Variants in DERA observed in about 807,000 individuals in gnomAD.
DERA encodes the protein 2-deoxy-D-ribose 5-phosphate aldolase.
In DERA, 15 loss-of-function variants were observed where a neutral mutation model predicts 41.1. The observed-to-expected ratio is 0.37, with a 90% CI of 0.24 to 0.56. The LOEUF (loss-of-function observed/expected upper bound fraction) is 0.56. Among genes scored for constraint, DERA ranks in the 20% least tolerant of loss-of-function variants. DERA has a pLI of 0.81. For synonymous variants in DERA, 139 were observed against 137.4 expected (o/e 1.01, Z -0.08); for missense variants, 396 against 403.4 (o/e 0.98, Z 0.16).
At position 16,004,250 on chromosome 12, in the gene DERA, T is replaced by C. The variant is rs1397320574; in HGVS notation, c.637+21814T>C. ...TATATGCAGATAATTTGAATCTGAATGTACAGCCAAGTATTCAAAATATAA... is the reference window on the plus strand; with the variant it reads ...TATATGCAGATAATTTGAATCTGAACGTACAGCCAAGTATTCAAAATATAA... On this transcript the variant is annotated intron_variant, in intron 6 of 8. Coordinates refer to ENST00000428559, the MANE Select transcript of DERA (RefSeq NM_015954.4). This position sits in a 1 kb window ranked among gnomAD's most constrained non-coding sequence, Gnocchi z 4.2. Among the ~76,000 whole-genome samples the C allele has an allele frequency of 1.3e-5, 2 of 152,202 alleles. No individual in the cohort carries two copies. The highest frequency in any genetic ancestry group is 3.8e-4 in the East Asian group (2 of 5,202).
chr12:15,968,764 G>A (rs1177900405), intron 5 of DERA, among the ~76,000 whole-genome samples: 1 of 152,174 alleles, frequency 6.6e-6, no homozygotes, highest in Non-Finnish European at 1.5e-5. Flanking sequence ...GCTTGGCCCA[G>A]ATGCAGCCCT....
chr12:15,913,346 A>C lies in DERA; in HGVS notation c.31+1932A>C, dbSNP rs894627364. Among the ~76,000 whole-genome samples the C allele has an allele frequency of 6.6e-6, 1 of 152,178 alleles. No homozygotes were observed. The highest frequency in any genetic ancestry group is 2.4e-5 in the African/African-American group (1 of 41,444). On this transcript the variant is annotated intron_variant, in intron 1 of 8. Coordinates refer to ENST00000428559, the MANE Select transcript of DERA (RefSeq NM_015954.4). This position sits in a 1 kb window ranked among gnomAD's most constrained non-coding sequence, Gnocchi z 4.5. ...TTTCCTTCACGGGTATTAATCCTTA[A>C]TCCAAACAGGTTTAAACTGAAATGC...
intron 1 of DERA, among the ~76,000 whole-genome samples, chr12:15,929,659 T>G (rs1395580029): frequency 6.6e-6 from 1 of 152,182 alleles, no homozygotes; most frequent in East Asian, 1.9e-4. Flanking sequence ...ATCTTGAGAC[T>G]GTTAAGTAGG....
At chr12:16,023,184 T>TAA (rs1949027707) in intron 6 of DERA, among the ~76,000 whole-genome samples, 1 of 152,098 alleles carries the variant, frequency 6.6e-6, no homozygotes, top group Admixed American at 6.5e-5. Context: ...CACAGCAACA[T>TAA]GGTTTCAGTA....
rs1286316663 is a variant in DERA at position 15,941,887 on chromosome 12, C to G, written c.32-15049C>G. On this transcript the variant is annotated intron_variant, in intron 1 of 8. Transcript: ENST00000428559. The surrounding 1 kb of genome is among the most constrained non-coding windows in gnomAD (Gnocchi z 4.5). ...GACTTCTTTTCCTTTGGGAAGATAC[C>G]TAATAGTGGGATTGCTGGATTGAAT... Among the ~76,000 whole-genome samples the G allele has an allele frequency of 1.3e-5, 2 of 152,140 alleles. No homozygotes were observed. The highest frequency in any genetic ancestry group is 4.8e-5 in the African/African-American group (2 of 41,438).
chr12:15,997,102 G>C (rs1260552548), intron 6 of DERA, among the ~76,000 whole-genome samples: 1 of 152,104 alleles, frequency 6.6e-6, no homozygotes, highest in Non-Finnish European at 1.5e-5. Context: ...ATTGGACTTT[G>C]TAATAAAAAT....
In DERA at chr12:15,918,816, G is replaced by C. The variant is rs1948220793; in HGVS notation, c.31+7402G>C. Among the ~76,000 whole-genome samples the C allele has an allele frequency of 6.6e-6, 1 of 152,182 alleles. No homozygotes were observed. Among genetic ancestry groups the C allele is most frequent in the Non-Finnish European group, 1.5e-5 (1 of 68,038 alleles). On this transcript the variant is annotated intron_variant, in intron 1 of 8. Transcript: ENST00000428559. The surrounding 1 kb of genome is among the most constrained non-coding windows in gnomAD (Gnocchi z 4.3). ...TAAAGACGAATTCACAGACAGTCCA[G>C]GGAGGGTTTTTTTGGAGAGGATGTT... is the stretch of plus-strand genomic sequence containing the variant.
rs530374123 is a variant in DERA at position 16,004,500 on chromosome 12, A to G, written c.637+22064A>G. Among the ~76,000 whole-genome samples the G allele has an allele frequency of 3.3e-5, 5 of 152,346 alleles. No homozygotes were observed. In the East Asian group the frequency reaches 9.6e-4, roughly 29 times the overall value. ...TCTTAATTTTTCTTAGTACATTGAAAAAAATTAAAGCTAGTAAGGAAAAGA... is the reference window on the plus strand; with the variant it reads ...TCTTAATTTTTCTTAGTACATTGAAGAAAATTAAAGCTAGTAAGGAAAAGA... On this transcript the variant is annotated intron_variant, in intron 6 of 8. Coordinates refer to ENST00000428559, the MANE Select transcript of DERA (RefSeq NM_015954.4). This position sits in a 1 kb window ranked among gnomAD's most constrained non-coding sequence, Gnocchi z 4.2.
chr12:15,917,323 C>T (rs1948207937), intron 1 of DERA, among the ~76,000 whole-genome samples: 1 of 152,184 alleles, frequency 6.6e-6, no homozygotes, highest in South Asian at 2.1e-4. Flanking sequence ...TAGATTTCTG[C>T]AGGGAATTTC....
chr12:15,950,987 G>A (rs778852297), intron 1 of DERA, among the ~76,000 whole-genome samples: 1 of 152,192 alleles, frequency 6.6e-6, no homozygotes, highest in Non-Finnish European at 1.5e-5. Context: ...GAGGTTTTCT[G>A]TCCCTTGTCT....
chr12:15,982,396 TAC>T lies in DERA; in HGVS notation c.598_599del (p.Thr200Ter). On this transcript the variant is annotated frameshift_variant, in exon 6 of 9. Transcript: ENST00000428559. LOFTEE classifies it high-confidence loss of function. The surrounding 1 kb of genome is among the most constrained non-coding windows in gnomAD (Gnocchi z 4.0). Reference sequence around the variant, plus strand: ...TAGCGACAGGAGAACTTGGAACTCTTACTAATGTCTATAAAGCCAGTATGATA... The same window carrying T: ...TAGCGACAGGAGAACTTGGAACTCTTTAATGTCTATAAAGCCAGTATGATA... ...ILATGELGTLTNVYKASMIAM... is the reference protein window; with the variant it reads ...ILATGELGTLXNVYKASMIAM... 1 of 1,613,906 alleles carries T rather than the reference TAC, an allele frequency of 6.2e-7. No homozygotes were observed. Among genetic ancestry groups the T allele is most frequent in the East Asian group, 2.2e-5 (1 of 44,890 alleles).
chr12:16,018,466 A>G (rs1219403395), intron 6 of DERA, among the ~76,000 whole-genome samples: 1 of 152,168 alleles, frequency 6.6e-6, no homozygotes, highest in Non-Finnish European at 1.5e-5. Context: ...ATCTTGTTCT[A>G]TTTAGTAATG....
chr12:15,916,301 A>G (rs769456186), intron 1 of DERA: 7 of 152,240 alleles, frequency 4.6e-5, no homozygotes, highest in Non-Finnish European at 1.0e-4. Context: ...GATGGTGACC[A>G]GGGAGTGACC....
intron 5 of DERA, among the ~76,000 whole-genome samples, chr12:15,977,850 T>C (rs757920227): frequency 6.6e-6 from 1 of 152,250 alleles, no homozygotes; most frequent in African/African-American, 2.4e-5. Context: ...CTGAGCATTT[T>C]TGAGGGAAGA....
At chr12:15,926,088 G>T (rs1592000771) in intron 1 of DERA, among the ~76,000 whole-genome samples, 1 of 151,810 alleles carries the variant, frequency 6.6e-6, no homozygotes, top group East Asian at 2.0e-4. Context: ...CTCCCAAAGT[G>T]CTGGGATTAT....
chr12:15,947,716 T>A (rs1263818896), intron 1 of DERA, among the ~76,000 whole-genome samples: 1 of 152,188 alleles, frequency 6.6e-6, no homozygotes, highest in Non-Finnish European at 1.5e-5. Flanking sequence ...ACATTTAAGG[T>A]TAATATTGTT....
Position 15,936,937 on chromosome 12 carries a change from T to TCCCGTCCCGTCCCGTCCCGTCCCGTCCC in DERA, c.32-19999_32-19998insCCCGTCCCGTCCCGTCCCGTCCCGTCCC, listed in dbSNP as rs1565588734. Among the ~76,000 whole-genome samples, 11 of 131,008 alleles carry TCCCGTCCCGTCCCGTCCCGTCCCGTCCC rather than the reference T, an allele frequency of 8.4e-5. No homozygotes were observed. Among genetic ancestry groups the TCCCGTCCCGTCCCGTCCCGTCCCGTCCC allele is most frequent in the African/African-American group, 4.0e-4 (11 of 27,646 alleles). 85.9% of individuals were successfully genotyped at this position (131,008 alleles called of 152,430 possible). A position where few individuals can be genotyped will look rare whatever the true frequency, so the allele number is the denominator to read the frequency against. ...TGTCCTGTCCTGTCCTGTCCTGTCT[T>TCCCGTCCCGTCCCGTCCCGTCCCGTCCC]GTCCTGTCCCGTCCTGTCCTGCCCT... On this transcript the variant is annotated intron_variant, in intron 1 of 8. Transcript: ENST00000428559. The surrounding 1 kb of genome is among the most constrained non-coding windows in gnomAD (Gnocchi z 4.6).
At position 15,938,177 on chromosome 12, in the gene DERA, G is replaced by C. The variant is rs934669837; in HGVS notation, c.32-18759G>C. Among the ~76,000 whole-genome samples the C allele has an allele frequency of 6.6e-6, 1 of 152,188 alleles. No homozygotes were observed. Among genetic ancestry groups the C allele is most frequent in the Admixed American group, 6.5e-5 (1 of 15,272 alleles). ...CAGAGGAAGACTTAGTGGTTGAGGA[G>C]CTGGAGAAAGTTGCTCAGAAATGAC... On this transcript the variant is annotated intron_variant, in intron 1 of 8. Transcript: ENST00000428559. This position sits in a 1 kb window ranked among gnomAD's most constrained non-coding sequence, Gnocchi z 4.1.
chr12:15,956,297 G>C (rs1203636903), intron 1 of DERA, among the ~76,000 whole-genome samples: 2 of 152,178 alleles, frequency 1.3e-5, no homozygotes, highest in East Asian at 3.8e-4. Context: ...AGGTAGGAGA[G>C]AGCATTTCAG....
Sources: gnomAD v4.1 joint callset for allele counts (sites outside exome capture counted in the v4.1 genomes callset) on GRCh38, gnomAD v4.1.1 for gene constraint, Gnocchi (gnomAD v3.1) non-coding constraint, MANE v1.5 for transcripts, NCBI Gene and HGNC (gene_info 2026-07-23, HGNC 2026-07-21) for gene names.